The following DDA1 variants were observed in gnomAD, a reference collection of about 807,000 sequenced individuals.
DDA1 encodes the protein DET1- and DDB1-associated protein 1.
A neutral mutation model predicts 18.6 loss-of-function variants in DDA1; 3 were observed. That is an observed-to-expected ratio of 0.16 (90% CI 0.07 to 0.42). The LOEUF (loss-of-function observed/expected upper bound fraction) is 0.42, where lower values mean the gene tolerates loss of function less well. Ranked by LOEUF, DDA1 falls within the 10% of genes least tolerant of loss-of-function variation. The pLI, the probability that DDA1 is intolerant of heterozygous loss-of-function variation, is 0.99. For synonymous variants in DDA1, 52 were observed against 54.0 expected, an observed-to-expected ratio of 0.96 and a Z score of 0.17; for missense variants, 105 against 138.2, an observed-to-expected ratio of 0.76 and a Z score of 1.20.
chr19:17,312,124 G>A (rs980622958), intron 1 of DDA1, among the ~76,000 whole-genome samples: 1 of 152,158 alleles, frequency 6.6e-6, no homozygotes, highest in Non-Finnish European at 1.5e-5. Flanking sequence ...GGGAGGCCCA[G>A]AGGCTGGGAA....
chr19:17,319,586 A>G lies in DDA1; in HGVS notation c.239A>G (p.Glu80Gly). 1 of 1,578,812 alleles carries G rather than the reference A, an allele frequency of 6.3e-7. No individual in the cohort carries two copies. The highest frequency in any genetic ancestry group is 1.3e-5 in the African/African-American group (1 of 74,352). ...KKRDQEQVEL[E>G]GESSAPPRKV... ...AGAGACCAGGAGCAAGTGGAGCTGG[A>G]AGGCGAGAGCTCCGCACCTCCCCGC... Residue 80 changes from glutamate to glycine, a missense_variant, in exon 5 of 5, where the codon GAA becomes GGA. By Grantham distance (98) the Glu-to-Gly change is moderately conservative. Transcript: ENST00000359866.
Position 17,316,690 on chromosome 19 carries a change from T to C in DDA1, c.198+695T>C, listed in dbSNP as rs1240179317. ...GAGATCGAGACCATCCTGGCTAACA[T>C]AGTAAAACCCTGTCTCTACTAAAAA... On this transcript the variant is annotated intron_variant, in intron 4 of 4. Transcript: ENST00000359866. Among the ~76,000 whole-genome samples the C allele has an allele frequency of 4.0e-5, 6 of 150,372 alleles. No individual in the cohort carries two copies. In the East Asian group the frequency reaches 1.0e-3, roughly 25 times the overall value.
rs771007435 is a variant in DDA1 at position 17,315,959 on chromosome 19, C to T, written c.162C>T (p.Ile54=). The T allele has an allele frequency of 7.4e-6, 12 of 1,614,148 alleles. No individual in the cohort carries two copies. The highest frequency in any genetic ancestry group is 1.0e-5 in the Non-Finnish European group (12 of 1,180,012). ...EQIIVTEKTN[I]LLRYLHQQWD... is the part of the protein sequence containing the mutation. ...TCATCGTGACAGAAAAGACAAACAT[C>T]CTCCTGCGCTACCTGCATCAGCAAT... is the stretch of plus-strand genomic sequence containing the variant. Residue 54 remains isoleucine (I), a synonymous_variant, in exon 4 of 5, where the codon ATC becomes ATT. Coordinates refer to ENST00000359866, the MANE Select transcript of DDA1 (RefSeq NM_024050.6).
Position 17,319,616 on chromosome 19 carries a change from T to C in DDA1, c.269T>C (p.Val90Ala). ...GAGAGCTCCGCACCTCCCCGCAAGG[T>C]GGCGCGGACCGACAGCCCAGACATG... is the stretch of plus-strand genomic sequence containing the variant. Reference protein sequence around the residue: ...EGESSAPPRKVARTDSPDMHE... With the variant: ...EGESSAPPRKAARTDSPDMHE... Residue 90 changes from valine (V) to alanine (A), a missense_variant, in exon 5 of 5, where the codon GTG becomes GCG. This residue lies in a region of DDA1 where 62 missense variants were observed against 55.8 expected (regional missense o/e 1.11). Coordinates refer to ENST00000359866, the MANE Select transcript of DDA1 (RefSeq NM_024050.6). 1.3e-6 allele frequency: 2 copies of C among 1,578,394 alleles called. No homozygotes were observed. The highest frequency in any genetic ancestry group is 1.7e-6 in the Non-Finnish European group (2 of 1,162,184).
Position 17,315,197 on chromosome 19 carries a change from GTATACACACGTGTA to G in DDA1, c.137-727_137-714del, listed in dbSNP as rs1250894882. ...TACACACACGTGTATACACACACGT[GTATACACACGTGTA>G]TATACACACACGTGTATACACACAC... On this transcript the variant is annotated intron_variant, in intron 3 of 4. Transcript: ENST00000359866. Among the ~76,000 whole-genome samples, 40 of 16,874 alleles carry G rather than the reference GTATACACACGTGTA, an allele frequency of 2.4e-3. 13 individuals are homozygous for G. The highest frequency in any genetic ancestry group is 0.023 in the African/African-American group (34 of 1,448). The allele number at this position is 16,874 out of a possible 152,430, so 11.1% of individuals were successfully genotyped here. A position where few individuals can be genotyped will look rare whatever the true frequency, so the allele number is the denominator to read the frequency against.
rs2074194083 is a variant in DDA1, at chr19:17,314,595, A to G, written c.136+206A>G. ...GGACCTTGGGGGCTTCAGCCTGGGG[A>G]TGCACACGTGGATGCCTGTCCACTC... On this transcript the variant is annotated intron_variant, in intron 3 of 4. Transcript: ENST00000359866. This position sits in a 1 kb window ranked among gnomAD's most constrained non-coding sequence, Gnocchi z 4.6. The G allele has an allele frequency of 1.6e-6, 1 of 623,514 alleles. No individual in the cohort carries two copies. The highest frequency in any genetic ancestry group is 2.8e-6 in the Non-Finnish European group (1 of 359,608). The allele number at this position is 623,514 out of a possible 1,614,324, so 38.6% of individuals were successfully genotyped here.
chr19:17,314,657 C>G lies in DDA1; in HGVS notation c.136+268C>G, dbSNP rs1320011675. The G allele has an allele frequency of 1.9e-6, 1 of 521,150 alleles. No individual in the cohort carries two copies. Among genetic ancestry groups the G allele is most frequent in the Non-Finnish European group, 3.5e-6 (1 of 288,546 alleles). The allele number at this position is 521,150 out of a possible 1,614,324, so 32.3% of individuals were successfully genotyped here. ...GGACAGCCAGAAACCTGGCTTTCCC[C>G]AGGTGTCTCTTGATTGGGACACACT... On this transcript the variant is annotated intron_variant, in intron 3 of 4. Coordinates refer to ENST00000359866, the MANE Select transcript of DDA1 (RefSeq NM_024050.6). The surrounding 1 kb of genome is among the most constrained non-coding windows in gnomAD (Gnocchi z 4.6).
intron 1 of DDA1, chr19:17,310,254 G>A (rs1239690208): frequency 6.6e-6 from 1 of 152,536 alleles, no homozygotes; most frequent in African/African-American, 2.4e-5. Context: ...ACCTCTTAGG[G>A]TGGTGACAAT....
chr19:17,315,437 T>TGC (rs1363857620), intron 3 of DDA1, among the ~76,000 whole-genome samples: 24 of 118,326 alleles, frequency 2.0e-4, no homozygotes, highest in African/African-American at 4.5e-4. Flanking sequence ...TGCATATATA[T>TGC]ATATATATAT....
At position 17,316,003 on chromosome 19, in the gene DDA1, C is replaced by A. The variant is rs755627387; in HGVS notation, c.198+8C>A. 1 of 1,613,962 alleles carries A rather than the reference C, an allele frequency of 6.2e-7. No individual in the cohort carries two copies. The highest frequency in any genetic ancestry group is 1.3e-5 in the African/African-American group (1 of 74,922). On this transcript the variant is annotated splice_region_variant and intron_variant, in intron 4 of 4. Coordinates refer to ENST00000359866, the MANE Select transcript of DDA1 (RefSeq NM_024050.6). ...CAGCAATGGGACAAAAAGGTGAGGCCCACAGGGCTCTGGTGCAGGGATTGT... is the reference window on the plus strand; with the variant it reads ...CAGCAATGGGACAAAAAGGTGAGGCACACAGGGCTCTGGTGCAGGGATTGT...
rs1287602407 is a variant in DDA1 at position 17,319,634 on chromosome 19, C to T, written c.287C>T (p.Pro96Leu). ...CGCAAGGTGGCGCGGACCGACAGCCCAGACATGCACGAGGACACTTAAGAC... is the reference window on the plus strand; with the variant it reads ...CGCAAGGTGGCGCGGACCGACAGCCTAGACATGCACGAGGACACTTAAGAC... ...PPRKVARTDS[P>L]DMHEDT Residue 96 changes from proline (P) to leucine (L), a missense_variant, in exon 5 of 5, where the codon CCA (proline) becomes CTA (leucine). This residue lies in a region of DDA1 where 62 missense variants were observed against 55.8 expected (regional missense o/e 1.11). Transcript: ENST00000359866. 1.9e-6 allele frequency: 3 copies of T among 1,573,638 alleles called. No homozygotes were observed. Among genetic ancestry groups the T allele is most frequent in the East Asian group, 4.7e-5 (2 of 42,798 alleles).
At position 17,315,363 on chromosome 19, in the gene DDA1, C is replaced by CTA. The variant is rs370878072; in HGVS notation, c.137-562_137-561dup. Reference sequence around the variant, plus strand: ...TATATATACACGCTATATATATACGCTATATATATACACACGTATATATAT... The same window carrying CTA: ...TATATATACACGCTATATATATACGCTATATATATATACACACGTATATATAT... On this transcript the variant is annotated intron_variant, in intron 3 of 4. Transcript: ENST00000359866. Among the ~76,000 whole-genome samples the CTA allele has an allele frequency of 3.5e-4, 19 of 54,678 alleles. 3 individuals carry two copies. The highest frequency in any genetic ancestry group is 8.9e-4 in the Non-Finnish European group (19 of 21,386). The allele number at this position is 54,678 out of a possible 152,430, so 35.9% of individuals were successfully genotyped here. A position where few individuals can be genotyped will look rare whatever the true frequency, so the allele number is the denominator to read the frequency against.
At chr19:17,310,679 C>G (rs2074174880) in intron 1 of DDA1, among the ~76,000 whole-genome samples, 1 of 152,174 alleles carries the variant, frequency 6.6e-6, no homozygotes, top group African/African-American at 2.4e-5. Flanking sequence ...GACTCCCTTT[C>G]AGGAAGGAAA....
intron 3 of DDA1, among the ~76,000 whole-genome samples, chr19:17,315,539 A>G (rs143159516): frequency 2.0e-5 from 3 of 150,404 alleles, no homozygotes; most frequent in Non-Finnish European, 4.4e-5. Context: ...GTGAGCTATG[A>G]TTATTCCAGC....
chr19:17,309,733 C>A (rs201268669), intron 1 of DDA1, 76 bp downstream of exon 1: 47 of 1,538,498 alleles, frequency 3.1e-5, no homozygotes, highest in Non-Finnish European at 3.5e-5. Flanking sequence ...CCTCTAGTAT[C>A]CCCCTAGGCC....
chr19:17,315,239 G>A lies in DDA1; in HGVS notation c.137-695G>A, dbSNP rs1221388242. On this transcript the variant is annotated intron_variant, in intron 3 of 4. Transcript: ENST00000359866. Reference sequence around the variant, plus strand: ...TACACACACGTGTATACACACACACGTGTATATACACACACGTGTATATAC... The same window carrying A: ...TACACACACGTGTATACACACACACATGTATATACACACACGTGTATATAC... Among the ~76,000 whole-genome samples the A allele has an allele frequency of 1.8e-4, 10 of 56,088 alleles. 3 individuals carry two copies. The highest frequency in any genetic ancestry group is 1.3e-3 in the Admixed American group (10 of 7,888). 36.8% of individuals were successfully genotyped at this position (56,088 alleles called of 152,430 possible). A position where few individuals can be genotyped will look rare whatever the true frequency, so the allele number is the denominator to read the frequency against.
chr19:17,314,111 C>T lies in DDA1; in HGVS notation c.84+8C>T, dbSNP rs567410706. On this transcript the variant is annotated splice_region_variant and intron_variant, in intron 2 of 4. Transcript: ENST00000359866. The surrounding 1 kb of genome is among the most constrained non-coding windows in gnomAD (Gnocchi z 4.6). ...TCCGTGTGCAAAGCCTCGGTGAGTGCGTGTTCCTGGGACTGGGAGGAATTG... is the reference window on the plus strand; with the variant it reads ...TCCGTGTGCAAAGCCTCGGTGAGTGTGTGTTCCTGGGACTGGGAGGAATTG... 5.0e-6 allele frequency: 8 copies of T among 1,613,604 alleles called. No homozygotes were observed. Among genetic ancestry groups the T allele is most frequent in the African/African-American group, 4.0e-5 (3 of 75,046 alleles).
In DDA1 at chr19:17,314,082, G is replaced by C; in HGVS notation, c.63G>C (p.Ala21=). The change falls in exon 2 of 5, where the codon GCG becomes GCC. Residue 21 remains alanine (A), a synonymous_variant. Coordinates refer to ENST00000359866, the MANE Select transcript of DDA1 (RefSeq NM_024050.6). The surrounding 1 kb of genome is among the most constrained non-coding windows in gnomAD (Gnocchi z 4.6). The part of the protein sequence containing the change: ...YNKSNFSRFH[A]DSVCKASNRR... ...AAAGCAATTTTAGTCGATTTCACGC[G>C]GACTCCGTGTGCAAAGCCTCGGTGA... The C allele has an allele frequency of 6.2e-7, 1 of 1,614,080 alleles. No individual in the cohort carries two copies.
At chr19:17,319,446 G>A (rs936497682) in intron 4 of DDA1, 100 bp from the exon 5 acceptor site, 17 of 947,618 alleles carry the variant, frequency 1.8e-5, no homozygotes, top group Non-Finnish European at 2.8e-5. Flanking sequence ...TGTAGTCCTA[G>A]CTACTCCAGA....
Sources: allele counts gnomAD v4.1 joint callset (sites outside exome capture counted in the v4.1 genomes callset), GRCh38; gene constraint gnomAD v4.1.1; regional missense constraint gnomAD v4.1.1; non-coding constraint Gnocchi (gnomAD v3.1); transcripts MANE v1.5; gene names NCBI Gene and HGNC (gene_info 2026-07-23, HGNC 2026-07-21).